Variants in CACNA2D3 observed in about 807,000 individuals in gnomAD.
CACNA2D3 encodes calcium voltage-gated channel auxiliary subunit alpha2delta 3, also known as voltage-dependent calcium channel subunit alpha-2/delta-3.
Under a neutral mutation model 160.6 loss-of-function variants are expected in CACNA2D3, and 60 were observed. The ratio of observed to expected loss-of-function variants is 0.37; its 90% CI spans 0.30 to 0.46. CACNA2D3 has a LOEUF of 0.46. CACNA2D3 is among the 20% of genes least tolerant of loss of function. The pLI is 1.00. For missense variants in CACNA2D3, 1,205 were observed against 1,365.0 expected (o/e 0.88, Z 1.85); for synonymous variants, 558 against 492.9 (o/e 1.13, Z -1.75).
intron 11 of CACNA2D3, among the ~76,000 whole-genome samples, chr3:54,702,956 C>T (rs1051089950): frequency 2.0e-5 from 3 of 152,116 alleles, no homozygotes; most frequent in Non-Finnish European, 4.4e-5. Flanking sequence ...AAGCCATTAT[C>T]CTAAGCAAAT....
chr3:54,622,957 G>C (rs1699021885), intron 9 of CACNA2D3, among the ~76,000 whole-genome samples: 1 of 152,218 alleles, frequency 6.6e-6, no homozygotes, highest in South Asian at 2.1e-4. Context: ...CGATGGCTGT[G>C]ATTAAGAAGG....
chr3:55,033,067 T>C (rs1703714476), intron 35 of CACNA2D3, among the ~76,000 whole-genome samples: 1 of 151,974 alleles, frequency 6.6e-6, no homozygotes, highest in Non-Finnish European at 1.5e-5. Context: ...TCCCAAGAGC[T>C]GAAAGGCAAC....
chr3:54,541,710 A>G (rs917928120), intron 5 of CACNA2D3, among the ~76,000 whole-genome samples: 2 of 152,220 alleles, frequency 1.3e-5, no homozygotes, highest in Admixed American at 1.3e-4. Context: ...AAGCATCAAG[A>G]AAGATCATGA....
At chr3:54,297,692 G>T (rs1402507864) in intron 2 of CACNA2D3, among the ~76,000 whole-genome samples, 2 of 147,524 alleles carry the variant, frequency 1.4e-5, no homozygotes, top group Admixed American at 6.8e-5. Context: ...TTTTAATGTT[G>T]GTTCCCCTCT....
chr3:54,681,556 CAAA>C (rs79551640), intron 11 of CACNA2D3, among the ~76,000 whole-genome samples: 4 of 65,130 alleles, frequency 6.1e-5, no homozygotes, highest in Admixed American at 1.8e-4. Flanking sequence ...GACTCCATCT[CAAA>C]AAAAAAAAAA....
At chr3:54,696,088 G>C (rs979032817) in intron 11 of CACNA2D3, among the ~76,000 whole-genome samples, 8 of 152,130 alleles carry the variant, frequency 5.3e-5, no homozygotes, top group Non-Finnish European at 1.2e-4. Context: ...CAGGGTCGGG[G>C]AGTGGGTTGT....
At chr3:54,637,052 A>G (rs1417322321) in intron 10 of CACNA2D3, among the ~76,000 whole-genome samples, 4 of 151,974 alleles carry the variant, frequency 2.6e-5, no homozygotes, top group African/African-American at 4.9e-5. Flanking sequence ...CACGGGGTGG[A>G]TAGGCAAAAC....
At chr3:54,667,537 T>G (rs946966278) in intron 11 of CACNA2D3, among the ~76,000 whole-genome samples, 2 of 152,196 alleles carry the variant, frequency 1.3e-5, no homozygotes, top group Non-Finnish European at 2.9e-5. Flanking sequence ...GTATTGAACC[T>G]TGAAAACTGA....
In CACNA2D3 at chr3:54,328,980, G is replaced by A. The variant is rs544136813; in HGVS notation, c.321+8422G>A. On this transcript the variant is annotated intron_variant, in intron 3 of 37. Coordinates refer to ENST00000474759, the MANE Select transcript of CACNA2D3 (RefSeq NM_018398.3). ...TTTCAGCCTCCCCACTACTGTGGGA[G>A]AAAGTCAGTAGTTGCAAGAGAATTT... Among the ~76,000 whole-genome samples the A allele has an allele frequency of 8.9e-4, 135 of 152,286 alleles. 1 individual carries two copies. In the Middle Eastern group the frequency reaches 0.014, roughly 15 times the overall value.
chr3:55,068,685 C>CT (rs756256937), intron 35 of CACNA2D3, among the ~76,000 whole-genome samples: 5 of 152,136 alleles, frequency 3.3e-5, no homozygotes, highest in Non-Finnish European at 7.4e-5. Flanking sequence ...TAGAGATCCT[C>CT]TTCACCCTGT....
intron 4 of CACNA2D3, among the ~76,000 whole-genome samples, chr3:54,459,557 A>G (rs1472985285): frequency 1.4e-4 from 21 of 152,042 alleles, no homozygotes; most frequent in Admixed American, 5.2e-4. Flanking sequence ...TCTTTTGGCT[A>G]CATAAATGTC....
chr3:54,967,374 A>T (rs1323067761), intron 27 of CACNA2D3, among the ~76,000 whole-genome samples: 2 of 152,300 alleles, frequency 1.3e-5, no homozygotes, highest in East Asian at 3.9e-4. Context: ...TTTTTAGAGT[A>T]TTTAAGTGAT....
At chr3:54,421,462 C>T (rs1035691456) in intron 4 of CACNA2D3, among the ~76,000 whole-genome samples, 2 of 152,136 alleles carry the variant, frequency 1.3e-5, no homozygotes, top group East Asian at 3.9e-4. Flanking sequence ...GCTTAATAGA[C>T]TAAAGAGGGG....
intron 11 of CACNA2D3, among the ~76,000 whole-genome samples, chr3:54,715,669 T>G (rs1408381488): frequency 2.0e-5 from 3 of 152,052 alleles, no homozygotes; most frequent in African/African-American, 7.2e-5. Context: ...TCACTGGAGA[T>G]CCAAGTATTT....
intron 5 of CACNA2D3, among the ~76,000 whole-genome samples, chr3:54,557,513 C>T (rs1216449097): frequency 6.6e-6 from 1 of 152,170 alleles, no homozygotes; most frequent in African/African-American, 2.4e-5. Context: ...AAATAATTGT[C>T]TAACTGTAAA....
intron 34 of CACNA2D3, among the ~76,000 whole-genome samples, chr3:55,016,697 AG>A (rs1703333389): frequency 6.6e-6 from 1 of 152,342 alleles, no homozygotes; most frequent in Admixed American, 6.5e-5. Context: ...GTCAGTGACC[AG>A]TTACTGAAAA....
chr3:54,328,285 G>T (rs557053966), intron 3 of CACNA2D3, among the ~76,000 whole-genome samples: 11 of 152,032 alleles, frequency 7.2e-5, no homozygotes, highest in African/African-American at 2.2e-4. Flanking sequence ...TCGTTTGTTT[G>T]TTTTTTTGGT....
intron 2 of CACNA2D3, among the ~76,000 whole-genome samples, chr3:54,226,311 G>GTTTT (rs1701671179): frequency 1.1e-5 from 1 of 90,546 alleles, no homozygotes; most frequent in Non-Finnish European, 2.0e-5. Context: ...TGCCCCTGAT[G>GTTTT]CTTTTTTTTT....
chr3:54,966,035 T>C (rs1702142075), intron 27 of CACNA2D3, among the ~76,000 whole-genome samples: 1 of 151,994 alleles, frequency 6.6e-6, no homozygotes, highest in Non-Finnish European at 1.5e-5. Context: ...CAGGGGCAGA[T>C]GAGAACAGAC....
Sources: gnomAD v4.1 joint callset for allele counts (sites outside exome capture counted in the v4.1 genomes callset) on GRCh38, gnomAD v4.1.1 for gene constraint, MANE v1.5 for transcripts, NCBI Gene and HGNC (gene_info 2026-07-23, HGNC 2026-07-21) for gene names.